Variants in MYT1L observed in about 807,000 individuals in gnomAD.
MYT1L encodes myelin transcription factor 1-like protein.
In MYT1L, 12 loss-of-function variants were observed where a neutral mutation model predicts 126.7. That is an observed-to-expected ratio of 0.09 (90% CI 0.06 to 0.15). The LOEUF (loss-of-function observed/expected upper bound fraction) is 0.15. Among genes scored for constraint, MYT1L ranks in the 10% least tolerant of loss-of-function variants. MYT1L has a pLI of 1.00. For synonymous variants in MYT1L, 541 were observed against 604.2 expected (o/e 0.90, Z 1.53); for missense variants, 979 against 1,585.2 (o/e 0.62, Z 6.49).
At chr2:2,107,246 G>T (rs2078864113) in intron 3 of MYT1L, among the ~76,000 whole-genome samples, 1 of 152,220 alleles carries the variant, frequency 6.6e-6, no homozygotes, top group Non-Finnish European at 1.5e-5. Context: ...GTGACGTCGA[G>T]CACAATCTCC....
chr2:2,201,017 A>G (rs1159349477), intron 2 of MYT1L, among the ~76,000 whole-genome samples: 2 of 152,252 alleles, frequency 1.3e-5, no homozygotes, highest in African/African-American at 4.8e-5. Flanking sequence ...TGAATTGTGT[A>G]TGATGCACAA....
At chr2:1,874,146 C>T (rs905804611) in intron 18 of MYT1L, among the ~76,000 whole-genome samples, 1 of 151,976 alleles carries the variant, frequency 6.6e-6, no homozygotes, top group Admixed American at 6.6e-5. Context: ...TATTCTTCTC[C>T]TTTCCCTCCA....
chr2:1,909,869 G>A (rs74746458), intron 13 of MYT1L, among the ~76,000 whole-genome samples: 5,274 of 152,290 alleles, frequency 0.035, 108 homozygotes, highest in South Asian at 0.06. Flanking sequence ...CTTAGTTGGT[G>A]TGAGGCCCTA....
rs1341927951 is a variant in MYT1L, at chr2:1,943,019, C to CTCT, written c.465_467dup (p.Glu167dup). 54 of 1,482,594 alleles carry CTCT rather than the reference C, an allele frequency of 3.6e-5. No individual in the cohort carries two copies. Among genetic ancestry groups the CTCT allele is most frequent in the Non-Finnish European group, 5.0e-5 (54 of 1,085,212 alleles). 91.8% of individuals were successfully genotyped at this position (1,482,594 alleles called of 1,614,324 possible). On this transcript the variant is annotated inframe_insertion, in exon 9 of 25. Coordinates refer to ENST00000647738, the MANE Select transcript of MYT1L (RefSeq NM_001303052.2). This position sits in a 1 kb window ranked among gnomAD's most constrained non-coding sequence, Gnocchi z 4.4. ...CCTCTTCCTCCTCCTCCTCCTCCTC[C>CTCT]TCTTCCTCTTCTTCATCCTCCACAT...
chr2:2,107,015 G>A (rs1197337530), intron 3 of MYT1L, among the ~76,000 whole-genome samples: 1 of 151,712 alleles, frequency 6.6e-6, no homozygotes, highest in South Asian at 2.1e-4. Context: ...AGAGCTGGAA[G>A]TACCTCATCT....
intron 1 of MYT1L, among the ~76,000 whole-genome samples, chr2:2,296,068 T>G (rs1419560887): frequency 1.3e-5 from 2 of 152,260 alleles, no homozygotes; most frequent in East Asian, 3.9e-4. Flanking sequence ...CTCAGTAGGA[T>G]AAATATAGAA....
intron 4 of MYT1L, among the ~76,000 whole-genome samples, chr2:2,042,259 G>A (rs941321284): frequency 1.3e-5 from 2 of 152,170 alleles, no homozygotes; most frequent in Non-Finnish European, 2.9e-5. Context: ...ATCACATTTG[G>A]CAGGTTATGT....
intron 18 of MYT1L, among the ~76,000 whole-genome samples, chr2:1,876,166 A>T (rs1187957456): frequency 3.3e-5 from 5 of 152,134 alleles, no homozygotes; most frequent in African/African-American, 7.2e-5. Flanking sequence ...TTTGGAGAAG[A>T]AATCTTTGTG....
At chr2:1,935,876 A>G (rs1426407273) in intron 9 of MYT1L, among the ~76,000 whole-genome samples, 1 of 152,246 alleles carries the variant, frequency 6.6e-6, no homozygotes, top group African/African-American at 2.4e-5. Context: ...TTTCATTATC[A>G]TGCTAAAAGG....
intron 2 of MYT1L, among the ~76,000 whole-genome samples, chr2:2,245,641 A>T (rs1358753321): frequency 6.6e-6 from 1 of 151,342 alleles, no homozygotes; most frequent in Non-Finnish European, 1.5e-5. Flanking sequence ...TCCCAAGCTC[A>T]TGTCTTGGAG....
chr2:2,181,778 C>T (rs778920441), intron 2 of MYT1L, among the ~76,000 whole-genome samples: 1 of 152,310 alleles, frequency 6.6e-6, no homozygotes, highest in Non-Finnish European at 1.5e-5. Context: ...TGCATAAATA[C>T]ATCCTCCAAC....
At chr2:2,306,545 A>G (rs1335166608) in intron 1 of MYT1L, among the ~76,000 whole-genome samples, 1 of 152,186 alleles carries the variant, frequency 6.6e-6, no homozygotes, top group Non-Finnish European at 1.5e-5. Flanking sequence ...CCTTGGGAAT[A>G]TCTTTCCATG....
intron 18 of MYT1L, among the ~76,000 whole-genome samples, chr2:1,863,195 C>G (rs773066658): frequency 1.3e-5 from 2 of 152,174 alleles, no homozygotes; most frequent in Non-Finnish European, 2.9e-5. Context: ...GGTGCCTTAA[C>G]CAAAGATCCC....
At chr2:2,028,956 G>A (rs2065926515) in intron 4 of MYT1L, among the ~76,000 whole-genome samples, 1 of 152,156 alleles carries the variant, frequency 6.6e-6, no homozygotes, top group Non-Finnish European at 1.5e-5. Flanking sequence ...CACCTTTTTT[G>A]AGACAATCAC....
chr2:2,070,699 A>G (rs2074497962), intron 3 of MYT1L, among the ~76,000 whole-genome samples: 1 of 152,222 alleles, frequency 6.6e-6, no homozygotes, highest in South Asian at 2.1e-4. Context: ...ATCAGTTATA[A>G]TAATTTATTC....
intron 8 of MYT1L, among the ~76,000 whole-genome samples, chr2:1,956,191 G>GTCTGTCTGTCTATCTATCTATCTATCTA (rs1553354694): frequency 6.9e-6 from 1 of 145,876 alleles, no homozygotes; most frequent in African/African-American, 2.7e-5. Context: ...TTACCTAGCT[G>GTCTGTCTGTCTATCTATCTATCTATCTA]TCTATCTATC....
chr2:2,254,253 G>A (rs1056593623), intron 2 of MYT1L, among the ~76,000 whole-genome samples: 15 of 152,296 alleles, frequency 9.8e-5, no homozygotes, highest in East Asian at 3.9e-4. Flanking sequence ...AATTAATGCC[G>A]TTCATGGGGA....
At chr2:2,090,273 G>GT (rs1172015336) in intron 3 of MYT1L, among the ~76,000 whole-genome samples, 1 of 152,122 alleles carries the variant, frequency 6.6e-6, no homozygotes, top group East Asian at 1.9e-4. Context: ...ATACCTCAGA[G>GT]ATACTGCAGG....
Position 1,979,095 on chromosome 2 carries a change from T to C in MYT1L, c.152+70A>G. The C allele has an allele frequency of 8.0e-7, 1 of 1,248,574 alleles. No individual in the cohort carries two copies. The highest frequency in any genetic ancestry group is 1.2e-6 in the Non-Finnish European group (1 of 865,504). The allele number at this position is 1,248,574 out of a possible 1,614,324, so 77.3% of individuals were successfully genotyped here. A position where few individuals can be genotyped will look rare whatever the true frequency, so the allele number is the denominator to read the frequency against. On this transcript the variant is annotated intron_variant, in intron 8 of 24. Coordinates refer to ENST00000647738, the MANE Select transcript of MYT1L (RefSeq NM_001303052.2). This position sits in a 1 kb window ranked among gnomAD's most constrained non-coding sequence, Gnocchi z 4.0. ...CAAGAACACCTGCTCACACAGTTCATCATCAGGACTGGGTCCCCAAATAAG... is the reference window on the plus strand; with the variant it reads ...CAAGAACACCTGCTCACACAGTTCACCATCAGGACTGGGTCCCCAAATAAG...
Sources: gnomAD v4.1 joint callset for allele counts (sites outside exome capture counted in the v4.1 genomes callset) on GRCh38, gnomAD v4.1.1 for gene constraint, Gnocchi (gnomAD v3.1) non-coding constraint, MANE v1.5 for transcripts, NCBI Gene and HGNC (gene_info 2026-07-23, HGNC 2026-07-21) for gene names.